Variants in IL1RAPL2 observed in about 807,000 individuals in gnomAD.
The protein encoded by IL1RAPL2 is X-linked interleukin-1 receptor accessory protein-like 2.
Under a neutral mutation model 44.1 loss-of-function variants are expected in IL1RAPL2, and 3 were observed. That is an observed-to-expected ratio of 0.07 (90% confidence interval 0.03 to 0.18). The LOEUF is 0.18. IL1RAPL2 is among the 10% of genes least tolerant of loss of function. IL1RAPL2 has a pLI of 1.00. For synonymous variants in IL1RAPL2, 181 were observed against 178.8 expected (o/e 1.01, Z -0.10); for missense variants, 391 against 496.4 (o/e 0.79, Z 2.02).
rs954961458 is a variant in IL1RAPL2 at position 104,993,829 on chromosome X, A to G, written c.83-201646A>G. ...ACAGCTATTAAGTAATAAAGCCAAG[A>G]TGTGAACTTCGGCTGTCTGAGTCTA... is the stretch of plus-strand genomic sequence containing the variant. On this transcript the variant is annotated intron_variant, in intron 2 of 10. Transcript: ENST00000372582. 5.4e-5 allele frequency among the ~76,000 whole-genome samples: 6 copies of G among 111,911 alleles called. 1 individual carries two copies. The highest frequency in any genetic ancestry group is 1.1e-4 in the Non-Finnish European group (6 of 53,075).
At chrX:104,804,071 A>T (rs990418426) in intron 2 of IL1RAPL2, 1 of 114,641 alleles carries the variant, frequency 8.7e-6, no homozygotes. Context: ...GCTAAAGAAG[A>T]TGAAGAAGTC....
intron 2 of IL1RAPL2, among the ~76,000 whole-genome samples, chrX:105,077,494 A>G (rs1166095575): frequency 5.4e-5 from 6 of 110,584 alleles, no homozygotes; most frequent in Middle Eastern, 4.2e-3. Context: ...CTTCATTTCA[A>G]CTTTGGTGAA....
chrX:105,117,152 A>G (rs1602962591), intron 2 of IL1RAPL2, among the ~76,000 whole-genome samples: 1 of 112,413 alleles, frequency 8.9e-6, no homozygotes, highest in Admixed American at 9.4e-5. Context: ...GTCTTAAAAA[A>G]GAACATAGCA....
intron 6 of IL1RAPL2, among the ~76,000 whole-genome samples, chrX:105,489,193 G>A (rs762139160): frequency 6.3e-5 from 7 of 111,612 alleles, no homozygotes; most frequent in Non-Finnish European, 1.3e-4. Context: ...CAACACGTAC[G>A]TGCAAAATTC....
At chrX:104,730,687 G>A (rs1931894899) in intron 2 of IL1RAPL2, among the ~76,000 whole-genome samples, 1 of 105,840 alleles carries the variant, frequency 9.4e-6, no homozygotes, top group Admixed American at 1.0e-4. Flanking sequence ...AAACATACGT[G>A]TGCATGTGTC....
chrX:105,618,679 C>T (rs896103636), intron 6 of IL1RAPL2, among the ~76,000 whole-genome samples: 2 of 111,677 alleles, frequency 1.8e-5, no homozygotes, highest in African/African-American at 6.5e-5. Flanking sequence ...TGTTACAGAG[C>T]CATTGAAATA....
chrX:105,264,245 TC>T (rs1233739197), intron 4 of IL1RAPL2, among the ~76,000 whole-genome samples: 1 of 111,177 alleles, frequency 9.0e-6, no homozygotes, highest in African/African-American at 3.3e-5. Flanking sequence ...TCATTCTCTC[TC>T]CTGCCACCCT....
At chrX:104,931,344 C>T (rs1209423870) in intron 2 of IL1RAPL2, among the ~76,000 whole-genome samples, 1 of 103,767 alleles carries the variant, frequency 9.6e-6, no homozygotes, top group Non-Finnish European at 2.0e-5. Context: ...CGGGATTGCA[C>T]TGTTATAATG....
chrX:104,867,679 C>A (rs1175482343), intron 2 of IL1RAPL2, among the ~76,000 whole-genome samples: 1 of 111,425 alleles, frequency 9.0e-6, no homozygotes, highest in East Asian at 2.8e-4. Flanking sequence ...AATGGGGAGC[C>A]ATGGGAGGTT....
At chrX:105,061,711 C>T (rs779936739) in intron 2 of IL1RAPL2, among the ~76,000 whole-genome samples, 1 of 111,798 alleles carries the variant, frequency 8.9e-6, no homozygotes, top group South Asian at 3.7e-4. Context: ...CTTTATATAT[C>T]TGAGTGCTCC....
At chrX:105,707,079 T>C (rs1220679962) in intron 6 of IL1RAPL2, among the ~76,000 whole-genome samples, 2 of 111,600 alleles carry the variant, frequency 1.8e-5, no homozygotes, top group South Asian at 3.8e-4. Context: ...CAATCGTAGA[T>C]TGGTATCACC....
At chrX:104,670,291 C>T (rs905256080) in intron 2 of IL1RAPL2, among the ~76,000 whole-genome samples, 1 of 111,417 alleles carries the variant, frequency 9.0e-6, no homozygotes, top group South Asian at 3.8e-4. Flanking sequence ...TGGAGTCTGA[C>T]GTCCAAGAGT....
intron 8 of IL1RAPL2, among the ~76,000 whole-genome samples, chrX:105,746,925 T>C (rs1039470953): frequency 2.7e-5 from 3 of 111,861 alleles, no homozygotes; most frequent in Non-Finnish European, 5.6e-5. Context: ...AGTCAATTAA[T>C]GCCCCAAGAT....
At chrX:105,437,025 GTATA>G (rs71694806) in intron 5 of IL1RAPL2, among the ~76,000 whole-genome samples, 3,788 of 91,051 alleles carry the variant, frequency 0.042, 210 homozygotes, top group African/African-American at 0.14. Context: ...AAATATAAAC[GTATA>G]TATATATATA....
intron 3 of IL1RAPL2, among the ~76,000 whole-genome samples, chrX:105,223,448 G>A (rs1198382677): frequency 8.9e-6 from 1 of 111,885 alleles, no homozygotes; most frequent in Non-Finnish European, 1.9e-5. Context: ...TGTCTACTAA[G>A]TTCAGAACAT....
chrX:105,134,052 T>C (rs2033053349), intron 2 of IL1RAPL2, among the ~76,000 whole-genome samples: 2 of 112,130 alleles, frequency 1.8e-5, no homozygotes, highest in South Asian at 7.4e-4. Flanking sequence ...TGTAAAATTG[T>C]CTTTCTAATC....
At chrX:104,929,138 A>G (rs1000447995) in intron 2 of IL1RAPL2, among the ~76,000 whole-genome samples, 2 of 111,521 alleles carry the variant, frequency 1.8e-5, no homozygotes, top group Non-Finnish European at 3.8e-5. Flanking sequence ...CCCCTTAGGC[A>G]TAATTAGGGG....
At chrX:105,382,888 A>T (rs1223084068) in intron 5 of IL1RAPL2, among the ~76,000 whole-genome samples, 2 of 101,198 alleles carry the variant, frequency 2.0e-5, no homozygotes, top group East Asian at 3.3e-4. Flanking sequence ...CAAACACCGC[A>T]TGTTCTCACT....
At chrX:104,788,139 T>G (rs1932807907) in intron 2 of IL1RAPL2, among the ~76,000 whole-genome samples, 1 of 112,188 alleles carries the variant, frequency 8.9e-6, no homozygotes, top group African/African-American at 3.2e-5. Flanking sequence ...TTTCACCAAT[T>G]CAGGGCTATG....
Sources: allele counts gnomAD v4.1 joint callset (sites outside exome capture counted in the v4.1 genomes callset), GRCh38; gene constraint gnomAD v4.1.1; transcripts MANE v1.5; gene names NCBI Gene and HGNC (gene_info 2026-07-23, HGNC 2026-07-21).